ZNF626: variants seen among roughly 807,000 people sequenced by gnomAD.
The protein encoded by ZNF626 is CTC-513N18.7.
ZNF626 carries 4 observed loss-of-function variants against 11.7 expected under a neutral mutation model. The ratio of observed to expected loss-of-function variants is 0.34; its 90% confidence interval spans 0.17 to 0.78. The LOEUF (loss-of-function observed/expected upper bound fraction) is 0.78, where lower values mean the gene tolerates loss of function less well. Ranked by LOEUF, ZNF626 falls within the 30% of genes least tolerant of loss-of-function variation. The probability of loss-of-function intolerance (pLI) is 0.57; values close to 1 mark genes in which losing one functional copy is unlikely to be tolerated. For synonymous variants in ZNF626, 179 were observed against 198.6 expected, an observed-to-expected ratio of 0.90 and a Z score of 0.83; for missense variants, 588 against 587.1, an observed-to-expected ratio of 1.00 and a Z score of -0.01.
intron 3 of ZNF626, chr19:20,645,329 T>C: frequency 6.4e-7 from 1 of 1,557,882 alleles, no homozygotes; most frequent in Non-Finnish European, 8.6e-7. Context: ...AATTTTAGTT[T>C]CTCAAAATCA....
chr19:20,635,052 A>G (rs1272636096), intron 3 of ZNF626, among the ~76,000 whole-genome samples: 2 of 152,224 alleles, frequency 1.3e-5, no homozygotes, highest in Non-Finnish European at 2.9e-5. Flanking sequence ...CTGGAATCTC[A>G]TTCAGTTTTC....
Position 20,624,725 on chromosome 19 carries a change from A to G in ZNF626, c.1152T>C (p.Leu384=). 3 of 1,610,018 alleles carry G rather than the reference A, an allele frequency of 1.9e-6. No homozygotes were observed. Among genetic ancestry groups the G allele is most frequent in the Non-Finnish European group, 2.5e-6 (3 of 1,178,196 alleles). The part of the protein sequence containing the change: ...CGKAFKRSSD[L]TTHKIIHTGE... ...CAGTATGAATTATCTTATGCGTAGTAAGGTCTGAAGACCGCTTGAAGGCTT... is the reference window on the plus strand; with the variant it reads ...CAGTATGAATTATCTTATGCGTAGTGAGGTCTGAAGACCGCTTGAAGGCTT... The change falls in exon 4 of 4, where the codon CTT becomes CTC. Residue 384 remains leucine, a synonymous_variant. Transcript: ENST00000601440.
At chr19:20,629,474 G>C (rs1281950029) in intron 3 of ZNF626, among the ~76,000 whole-genome samples, 2 of 152,126 alleles carry the variant, frequency 1.3e-5, no homozygotes, top group East Asian at 3.9e-4. Flanking sequence ...GTGGTTTGTA[G>C]TCCTCCTTGA....
chr19:20,646,192 T>G (rs1970075049), intron 2 of ZNF626, 87 bp downstream of exon 2: 1 of 1,390,838 alleles, frequency 7.2e-7, no homozygotes, highest in Non-Finnish European at 9.5e-7. Context: ...AACTCTTTTA[T>G]GCAAAGAATA....
In ZNF626 at chr19:20,621,781, G is replaced by T. The variant is rs1474560370; in HGVS notation, c.*2509C>A. The T allele has an allele frequency of 6.6e-6, 1 of 152,142 alleles. No homozygotes were observed. Among genetic ancestry groups the T allele is most frequent in the Non-Finnish European group, 1.5e-5 (1 of 68,036 alleles). The allele number at this position is 152,142 out of a possible 1,614,324, so 9.4% of individuals were successfully genotyped here. ...ATGACATTCCACTACATACCAAATAGTATACTTCTTCCATCTTTTGCTTAC... is the reference window on the plus strand; with the variant it reads ...ATGACATTCCACTACATACCAAATATTATACTTCTTCCATCTTTTGCTTAC... On this transcript the variant is annotated 3_prime_UTR_variant, in exon 4 of 4. Coordinates refer to ENST00000601440, the MANE Select transcript of ZNF626 (RefSeq NM_001076675.3).
At chr19:20,660,801 G>A (rs1415239663) in intron 1 of ZNF626, among the ~76,000 whole-genome samples, 3 of 152,188 alleles carry the variant, frequency 2.0e-5, no homozygotes, top group African/African-American at 7.2e-5. Context: ...CACAATCTAA[G>A]CTGATCCTGG....
intron 3 of ZNF626, chr19:20,645,000 A>T (rs1555771764): frequency 6.5e-6 from 1 of 154,794 alleles, no homozygotes; most frequent in Non-Finnish European, 1.4e-5. Flanking sequence ...GAAAACATGA[A>T]TATTATTGAA....
intron 3 of ZNF626, among the ~76,000 whole-genome samples, chr19:20,630,523 G>C (rs537144707): frequency 0.025 from 3,733 of 152,094 alleles, 67 homozygotes; most frequent in Non-Finnish European, 0.038. Context: ...TGTATGTGTC[G>C]AGGAATTTAT....
chr19:20,646,308 A>C lies in ZNF626; in HGVS notation c.101T>G (p.Leu34Ter). 7 of 1,614,114 alleles carry C rather than the reference A, an allele frequency of 4.3e-6. No individual in the cohort carries two copies. Among genetic ancestry groups the C allele is most frequent in the Non-Finnish European group, 5.9e-6 (7 of 1,179,986 alleles). ...GAAGACCAGGTTACTGTAGTTCTCT[A>C]ACATCACATTCCTATATAAATTCCG... ...AQRNLYRNVMLENYSNLVFLG... is the reference protein window; with the variant it reads ...AQRNLYRNVM Residue 34 changes from leucine (L) to a stop codon, truncating the protein, a stop_gained, in exon 2 of 4, where the codon TTA (leucine) becomes TGA (stop). Transcript: ENST00000601440. LOFTEE classifies it high-confidence loss of function.
chr19:20,660,949 C>T (rs1290449262), intron 1 of ZNF626, among the ~76,000 whole-genome samples: 2 of 152,010 alleles, frequency 1.3e-5, no homozygotes, highest in African/African-American at 2.4e-5. Context: ...TTAAAAGGAA[C>T]TTAGTTGTCC....
At chr19:20,625,911 C>G (rs1599471179) in intron 3 of ZNF626, among the ~76,000 whole-genome samples, 2 of 152,200 alleles carry the variant, frequency 1.3e-5, no homozygotes, top group South Asian at 4.2e-4. Context: ...ATAGAAAAGT[C>G]TGTTACTTAT....
At position 20,651,186 on chromosome 19, in the gene ZNF626, CAAA is replaced by C. The variant is rs34904142; in HGVS notation, c.4-4784_4-4782del. 1.5e-3 allele frequency among the ~76,000 whole-genome samples: 187 copies of C among 126,914 alleles called. 1 individual carries two copies. Among genetic ancestry groups the C allele is most frequent in the Admixed American group, 1.7e-3 (21 of 12,160 alleles). The allele number at this position is 126,914 out of a possible 152,430, so 83.3% of individuals were successfully genotyped here. A position where few individuals can be genotyped will look rare whatever the true frequency, so the allele number is the denominator to read the frequency against. ...TGGGTGACAGAGGGAGACTCCATAT[CAAA>C]AAAAAAAAAAAAAAGAAATTATAAC... On this transcript the variant is annotated intron_variant, in intron 1 of 3. Transcript: ENST00000601440.
At chr19:20,652,916 T>C (rs1170222150) in intron 1 of ZNF626, among the ~76,000 whole-genome samples, 1 of 152,112 alleles carries the variant, frequency 6.6e-6, no homozygotes, top group Non-Finnish European at 1.5e-5. Context: ...TCTACTTGGG[T>C]TTGTTGGCCC....
chr19:20,649,206 G>A (rs566652166), intron 1 of ZNF626, among the ~76,000 whole-genome samples: 27 of 152,176 alleles, frequency 1.8e-4, no homozygotes, highest in Admixed American at 1.6e-3. Flanking sequence ...GTCTTTAAAG[G>A]TGTCAGTACC....
Position 20,624,786 on chromosome 19 carries a change from G to A in ZNF626, c.1091C>T (p.Thr364Ile). Reference sequence around the variant, plus strand: ...TTCACATTTGTAGGGTTTCTCTCCAGTATGAATTCTCTTATGTGTAGTAAG... The same window carrying A: ...TTCACATTTGTAGGGTTTCTCTCCAATATGAATTCTCTTATGTGTAGTAAG... ...STLTTHKRIH[T>I]GEKPYKCEEC... The change falls in exon 4 of 4, where the codon ACT becomes ATT. Residue 364 changes from threonine (T) to isoleucine (I), a missense_variant. Physicochemically the swap from Thr to Ile is moderately conservative, Grantham distance 89 (BLOSUM62 -1). Transcript: ENST00000601440. The A allele has an allele frequency of 4.3e-6, 7 of 1,613,676 alleles. No individual in the cohort carries two copies. Among genetic ancestry groups the A allele is most frequent in the Non-Finnish European group, 5.9e-6 (7 of 1,179,986 alleles).
chr19:20,629,644 G>C (rs1555770150), intron 3 of ZNF626, among the ~76,000 whole-genome samples: 1 of 152,204 alleles, frequency 6.6e-6, no homozygotes, highest in African/African-American at 2.4e-5. Context: ...CTGAGACTTT[G>C]CTGAAGTTGC....
rs1187537850 is a variant in ZNF626, at chr19:20,621,272, G to A, written c.*3018C>T. 1 of 152,120 alleles carries A rather than the reference G, an allele frequency of 6.6e-6. No homozygotes were observed. The highest frequency in any genetic ancestry group is 1.5e-5 in the Non-Finnish European group (1 of 68,052). The allele number at this position is 152,120 out of a possible 1,614,324, so 9.4% of individuals were successfully genotyped here. On this transcript the variant is annotated 3_prime_UTR_variant, in exon 4 of 4. Coordinates refer to ENST00000601440, the MANE Select transcript of ZNF626 (RefSeq NM_001076675.3). ...GCTTCCCGAGTAGCTAGGAATACGG[G>A]TGCACCACCATGCCCAACTAATTTT...
At position 20,624,213 on chromosome 19, in the gene ZNF626, A is replaced by T. The variant is rs782410171; in HGVS notation, c.*77T>A. 64 of 1,605,938 alleles carry T rather than the reference A, an allele frequency of 4.0e-5. No homozygotes were observed. The highest frequency in any genetic ancestry group is 5.4e-5 in the Non-Finnish European group (63 of 1,174,430). On this transcript the variant is annotated 3_prime_UTR_variant, in exon 4 of 4. Transcript: ENST00000601440. ...GTTTTTTTCCAGTATGAATTTTCTT[A>T]TGTGTAGTAAGGTTAGAGAAATGCT... is the stretch of plus-strand genomic sequence containing the variant.
In ZNF626 at chr19:20,661,501, G is replaced by A. The variant is rs1970268042; in HGVS notation, c.-55C>T. 1.2e-6 allele frequency: 2 copies of A among 1,606,870 alleles called. No individual in the cohort carries two copies. The highest frequency in any genetic ancestry group is 2.7e-5 in the African/African-American group (2 of 74,214). On this transcript the variant is annotated 5_prime_UTR_variant, in exon 1 of 4. Coordinates refer to ENST00000601440, the MANE Select transcript of ZNF626 (RefSeq NM_001076675.3). ...AGCTGTGGATCTCCCAATACCTGCA[G>A]GACACGGGGCCACACAGCCTGGGCC...
Sources: gnomAD v4.1 joint callset for allele counts (sites outside exome capture counted in the v4.1 genomes callset) on GRCh38, gnomAD v4.1.1 for gene constraint, MANE v1.5 for transcripts, NCBI Gene and HGNC (gene_info 2026-07-23, HGNC 2026-07-21) for gene names.